NFIL3: variants seen among roughly 807,000 people sequenced by gnomAD.
The protein encoded by NFIL3 is nuclear factor, interleukin 3 regulated.
Under a neutral mutation model 10.0 loss-of-function variants are expected in NFIL3, and 5 were observed. The ratio of observed to expected loss-of-function variants is 0.50; its 90% CI spans 0.26 to 1.06. NFIL3 has a LOEUF of 1.06. Ranked by LOEUF, NFIL3 falls within the 50% of genes least tolerant of loss-of-function variation. NFIL3 has a pLI of 0.13. For synonymous variants in NFIL3, 202 were observed against 206.5 expected (o/e 0.98, Z 0.19); for missense variants, 436 against 547.6 (o/e 0.80, Z 2.03).
chr9:91,470,323 G>A, the NFIL3 span, among the ~76,000 whole-genome samples: 8 of 150,740 alleles, frequency 5.3e-5, no homozygotes, highest in African/African-American at 2.0e-4. Flanking sequence ...TTGCATAGAG[G>A]TGTTTATAGT....
chr9:91,438,349 ATTGAG>A, the NFIL3 span, among the ~76,000 whole-genome samples: 1 of 151,760 alleles, frequency 6.6e-6, no homozygotes, highest in South Asian at 2.1e-4. Context: ...TTCATTTTTT[ATTGAG>A]TTATTTGTTT....
Position 91,409,811 on chromosome 9 carries a change from C to T in NFIL3, c.924G>A (p.Val308=). Residue 308 remains valine (V), a synonymous_variant, in exon 2 of 2, where the codon GTG becomes GTA. Transcript: ENST00000297689. Reference sequence around the variant, plus strand: ...CTGGAACTTTAACCACAGTTGCATGCACATGCTTGAGTTCAACTGGAGAAT... The same window carrying T: ...CTGGAACTTTAACCACAGTTGCATGTACATGCTTGAGTTCAACTGGAGAAT... The part of the protein sequence containing the change: ...PIHSPVELKH[V]HATVVKVPEV... 6.2e-7 allele frequency: 1 copy of T among 1,614,142 alleles called. No individual in the cohort carries two copies. Among genetic ancestry groups the T allele is most frequent in the Middle Eastern group, 1.6e-4 (1 of 6,062 alleles).
chr9:91,441,284 T>A, the NFIL3 span, among the ~76,000 whole-genome samples: 1 of 152,270 alleles, frequency 6.6e-6, no homozygotes, highest in African/African-American at 2.4e-5. Flanking sequence ...GTGACAGATT[T>A]TGATTTGAAG....
chr9:91,428,939 A>G, the NFIL3 span, among the ~76,000 whole-genome samples: 1 of 152,252 alleles, frequency 6.6e-6, no homozygotes, highest in Non-Finnish European at 1.5e-5. Flanking sequence ...TACACTAAAA[A>G]TGGTCAAGAC....
the NFIL3 span, among the ~76,000 whole-genome samples, chr9:91,473,562 A>G: frequency 6.6e-6 from 1 of 152,240 alleles, no homozygotes. Flanking sequence ...AGACAGTTGG[A>G]AAAGCACACT....
the NFIL3 span, among the ~76,000 whole-genome samples, chr9:91,465,222 G>A: frequency 1.3e-5 from 2 of 151,840 alleles, no homozygotes; most frequent in African/African-American, 2.4e-5. Context: ...TTTCAAATAC[G>A]TATACACTGC....
At chr9:91,424,427 G>T (rs889028645), upstream of NFIL3, among the ~76,000 whole-genome samples, 3 of 152,192 alleles carry the variant, frequency 2.0e-5, no homozygotes, top group Non-Finnish European at 4.4e-5. Flanking sequence ...GGGCAGGAGG[G>T]AAGGCGGGGG....
chr9:91,420,107 ATC>A (rs1279138420), intron 1 of NFIL3, among the ~76,000 whole-genome samples: 2 of 152,170 alleles, frequency 1.3e-5, no homozygotes, highest in Admixed American at 1.3e-4. Context: ...TAATCGACTC[ATC>A]TCTCTATTCC....
chr9:91,442,384 G>T, the NFIL3 span, among the ~76,000 whole-genome samples: 1 of 152,100 alleles, frequency 6.6e-6, no homozygotes. Flanking sequence ...TATGTCCTTG[G>T]GGTGTCACTT....
chr9:91,467,044 C>A, the NFIL3 span, among the ~76,000 whole-genome samples: 1 of 152,150 alleles, frequency 6.6e-6, no homozygotes, highest in Non-Finnish European at 1.5e-5. Context: ...GTCAAGCTAC[C>A]TTCAACAACA....
the NFIL3 span, among the ~76,000 whole-genome samples, chr9:91,452,485 G>A: frequency 2.0e-5 from 3 of 152,082 alleles, no homozygotes; most frequent in Non-Finnish European, 2.9e-5. Context: ...AGGTACAAAA[G>A]CAAGCTAGGC....
the NFIL3 span, among the ~76,000 whole-genome samples, chr9:91,447,810 C>CT: frequency 5.1e-4 from 78 of 152,064 alleles, no homozygotes; most frequent in Non-Finnish European, 1.1e-3. Flanking sequence ...TGACAGTGTT[C>CT]TTTGATGCAC....
chr9:91,420,352 TACACACAC>T (rs144270881), intron 1 of NFIL3, among the ~76,000 whole-genome samples: 2,140 of 144,460 alleles, frequency 0.015, 34 homozygotes, highest in African/African-American at 0.043. Context: ...TGAAGGTAAA[TACACACAC>T]ACACACACAC....
chr9:91,425,755 G>A (rs933117964), upstream of NFIL3, among the ~76,000 whole-genome samples: 1 of 152,216 alleles, frequency 6.6e-6, no homozygotes, highest in African/African-American at 2.4e-5. Context: ...GGAATTACAG[G>A]CGCATGCCAC....
the NFIL3 span, among the ~76,000 whole-genome samples, chr9:91,435,988 T>C: frequency 5.3e-5 from 8 of 151,974 alleles, no homozygotes; most frequent in Admixed American, 2.0e-4. Flanking sequence ...GAACAGTAAT[T>C]TACTAAACAA....
chr9:91,445,023 A>G, the NFIL3 span, among the ~76,000 whole-genome samples: 1 of 152,112 alleles, frequency 6.6e-6, no homozygotes. Context: ...TCACTCTCTG[A>G]GGCACAAGTG....
At chr9:91,412,988 T>C (rs1333166404) in intron 1 of NFIL3, among the ~76,000 whole-genome samples, 1 of 152,218 alleles carries the variant, frequency 6.6e-6, no homozygotes, top group Non-Finnish European at 1.5e-5. Flanking sequence ...TTTTGTCTTT[T>C]CCAGGGAATG....
At chr9:91,469,339 A>G in the NFIL3 span, among the ~76,000 whole-genome samples, 10 of 151,946 alleles carry the variant, frequency 6.6e-5, no homozygotes, top group Admixed American at 4.6e-4. Flanking sequence ...TTTGTCTGTT[A>G]TTGGTGTATA....
At chr9:91,426,670 T>G (rs1465028733), upstream of NFIL3, among the ~76,000 whole-genome samples, 1 of 152,162 alleles carries the variant, frequency 6.6e-6, no homozygotes. Context: ...CTAATTCATT[T>G]TATTATACTG....
Sources: gnomAD v4.1 joint callset for allele counts (sites outside exome capture counted in the v4.1 genomes callset) on GRCh38, gnomAD v4.1.1 for gene constraint, MANE v1.5 for transcripts, NCBI Gene and HGNC (gene_info 2026-07-23, HGNC 2026-07-21) for gene names.